The following FAT3 variants were observed in gnomAD, a reference collection of about 807,000 sequenced individuals.
The protein encoded by FAT3 is protocadherin Fat 3.
FAT3 carries 95 observed loss-of-function variants against 310.2 expected under a neutral mutation model. The observed-to-expected ratio is 0.31, with a 90% confidence interval of 0.26 to 0.36. The LOEUF (loss-of-function observed/expected upper bound fraction) is 0.36, where lower values mean the gene tolerates loss of function less well. Ranked by LOEUF, FAT3 falls within the 10% of genes least tolerant of loss-of-function variation. FAT3 has a pLI of 1.00. For missense variants in FAT3, 5,408 were observed against 5,715.6 expected, an observed-to-expected ratio of 0.95 and a Z score of 1.74; for synonymous variants, 2,314 against 2,192.9, an observed-to-expected ratio of 1.06 and a Z score of -1.54.
At chr11:92,612,603 G>C (rs1565456972) in intron 3 of FAT3, among the ~76,000 whole-genome samples, 1 of 152,178 alleles carries the variant, frequency 6.6e-6, no homozygotes, top group Admixed American at 6.5e-5. Flanking sequence ...AATTGTGCTG[G>C]AGAAAAATGA....
intron 1 of FAT3, among the ~76,000 whole-genome samples, chr11:92,317,548 T>C (rs747147796): frequency 1.3e-5 from 2 of 152,360 alleles, no homozygotes; most frequent in Admixed American, 6.5e-5. Flanking sequence ...TATTGCTGAA[T>C]ATCAAGTTCT....
At chr11:92,599,316 A>G (rs370259642) in intron 3 of FAT3, among the ~76,000 whole-genome samples, 17 of 152,304 alleles carry the variant, frequency 1.1e-4, no homozygotes, top group African/African-American at 3.8e-4. Flanking sequence ...AAGGAGAAGT[A>G]CAGAATGAAG....
At chr11:92,322,807 C>T (rs1947656652) in intron 1 of FAT3, among the ~76,000 whole-genome samples, 2 of 152,152 alleles carry the variant, frequency 1.3e-5, no homozygotes, top group Middle Eastern at 3.2e-3. Context: ...TTCTAGTTCT[C>T]TCGCTGTTCC....
At chr11:92,455,488 A>G (rs574095839) in intron 2 of FAT3, among the ~76,000 whole-genome samples, 246 of 152,266 alleles carry the variant, frequency 1.6e-3, no homozygotes, top group Non-Finnish European at 3.0e-3. Context: ...GGCTTCTTAC[A>G]GGTAGTGATC....
At chr11:92,394,352 G>C (rs961717287) in intron 2 of FAT3, among the ~76,000 whole-genome samples, 3 of 152,062 alleles carry the variant, frequency 2.0e-5, no homozygotes, top group Non-Finnish European at 2.9e-5. Flanking sequence ...TGCACCTGTA[G>C]GTGGAAGGAT....
chr11:92,304,625 G>A (rs543385742), intron 1 of FAT3, among the ~76,000 whole-genome samples: 5 of 152,102 alleles, frequency 3.3e-5, no homozygotes, highest in Non-Finnish European at 1.5e-5. Context: ...AGGCAAAAAT[G>A]ACTGGTCTCT....
intron 19 of FAT3, among the ~76,000 whole-genome samples, chr11:92,855,049 A>G (rs1017541294): frequency 1.3e-5 from 2 of 152,336 alleles, no homozygotes; most frequent in African/African-American, 2.4e-5. Context: ...ATATGTGTAC[A>G]TTGCCACCTC....
chr11:92,567,687 C>T (rs1955512194), intron 3 of FAT3, among the ~76,000 whole-genome samples: 1 of 151,898 alleles, frequency 6.6e-6, no homozygotes, highest in African/African-American at 2.4e-5. Context: ...ACATATACAC[C>T]ATGGAATACT....
chr11:92,340,719 G>T (rs1253728308), intron 1 of FAT3, among the ~76,000 whole-genome samples: 1 of 152,200 alleles, frequency 6.6e-6, no homozygotes, highest in African/African-American at 2.4e-5. Flanking sequence ...GGAATATTCT[G>T]TGGGTAGTCC....
At chr11:92,754,700 CA>C (rs34387938) in intron 4 of FAT3, among the ~76,000 whole-genome samples, 23,144 of 90,314 alleles carry the variant, frequency 0.26, 2,120 homozygotes, top group African/African-American at 0.34. Context: ...ACTAAAAATA[CA>C]AAAAAAAAAA....
intron 3 of FAT3, among the ~76,000 whole-genome samples, chr11:92,575,428 A>G (rs1167963219): frequency 6.6e-6 from 1 of 152,208 alleles, no homozygotes; most frequent in Non-Finnish European, 1.5e-5. Context: ...AAGATGAATC[A>G]AATTTGTATT....
chr11:92,276,723 G>A (rs760771946), intron 1 of FAT3, among the ~76,000 whole-genome samples: 20 of 152,146 alleles, frequency 1.3e-4, no homozygotes, highest in Non-Finnish European at 2.5e-4. Context: ...AGAGCCACTG[G>A]CCTACTTAGA....
At chr11:92,640,134 A>G (rs1025497168) in intron 3 of FAT3, among the ~76,000 whole-genome samples, 2 of 151,970 alleles carry the variant, frequency 1.3e-5, no homozygotes, top group African/African-American at 4.8e-5. Context: ...GGGAGTTTAG[A>G]GAGGCTACAT....
intron 3 of FAT3, among the ~76,000 whole-genome samples, chr11:92,525,321 G>T (rs1953822194): frequency 6.6e-6 from 1 of 152,164 alleles, no homozygotes; most frequent in Non-Finnish European, 1.5e-5. Context: ...TCTACCTCTA[G>T]ACACTTCTCC....
In FAT3 at chr11:92,225,046, C is replaced by T. The variant is rs922720389; in HGVS notation, c.-146C>T. Among the ~76,000 whole-genome samples, 3 of 152,068 alleles carry T rather than the reference C, an allele frequency of 2.0e-5. No individual in the cohort carries two copies. Among genetic ancestry groups the T allele is most frequent in the African/African-American group, 7.2e-5 (3 of 41,434 alleles). On this transcript the variant is annotated 5_prime_UTR_variant, in exon 1 of 28. Transcript: ENST00000525166. ...TGCTCGCGGCCTCAGTCCCGGCTAG[C>T]GCGCGGTGGGCGCTGCGGCGGCAGC...
At chr11:92,238,628 G>A (rs1788784471) in intron 1 of FAT3, among the ~76,000 whole-genome samples, 1 of 152,056 alleles carries the variant, frequency 6.6e-6, no homozygotes, top group Non-Finnish European at 1.5e-5. Context: ...AATCATTATT[G>A]TAACTGCTGT....
intron 7 of FAT3, among the ~76,000 whole-genome samples, chr11:92,779,412 A>G (rs947413374): frequency 6.6e-6 from 1 of 152,168 alleles, no homozygotes; most frequent in African/African-American, 2.4e-5. Context: ...TACTGGAATC[A>G]TGGTAAAGCA....
At chr11:92,502,707 G>A (rs1952978039) in intron 2 of FAT3, among the ~76,000 whole-genome samples, 1 of 152,050 alleles carries the variant, frequency 6.6e-6, no homozygotes, top group South Asian at 2.1e-4. Context: ...GAATGGCAAG[G>A]CTTGGGAAGT....
chr11:92,556,444 A>T (rs1422359863), intron 3 of FAT3, among the ~76,000 whole-genome samples: 2 of 152,042 alleles, frequency 1.3e-5, no homozygotes, highest in Non-Finnish European at 1.5e-5. Flanking sequence ...CTTGGCAAAG[A>T]TGGTATGTTT....
Sources: gnomAD v4.1 joint callset for allele counts (sites outside exome capture counted in the v4.1 genomes callset) on GRCh38, gnomAD v4.1.1 for gene constraint, MANE v1.5 for transcripts, NCBI Gene and HGNC (gene_info 2026-07-23, HGNC 2026-07-21) for gene names.